Variants in OR51C1 observed in about 807,000 individuals in gnomAD.
OR51C1 encodes olfactory receptor family 51 subfamily C member 1.
the OR51C1 span, among the ~76,000 whole-genome samples, chr11:4,692,413 C>T: frequency 6.6e-6 from 1 of 152,194 alleles, no homozygotes; most frequent in East Asian, 1.9e-4. Context: ...TGCCACGTTC[C>T]AACACAGTTC....
At chr11:4,693,515 A>G in the OR51C1 span, among the ~76,000 whole-genome samples, 1 of 152,124 alleles carries the variant, frequency 6.6e-6, no homozygotes, top group Non-Finnish European at 1.5e-5. Context: ...AGGTCAGGAG[A>G]TCGAGACCAT....
chr11:4,691,441 A>G, the OR51C1 span: 2 of 457,414 alleles, frequency 4.4e-6, no homozygotes, highest in Non-Finnish European at 8.8e-6. Context: ...ACATTGAACC[A>G]GAATATACTC....
At chr11:4,696,906 T>C in the OR51C1 span, among the ~76,000 whole-genome samples, 2 of 152,210 alleles carry the variant, frequency 1.3e-5, no homozygotes, top group Non-Finnish European at 2.9e-5. Context: ...TGGGTTCAGA[T>C]TCTTGCTCAA....
the OR51C1 span, among the ~76,000 whole-genome samples, chr11:4,692,390 T>C: frequency 1.3e-5 from 2 of 152,218 alleles, no homozygotes; most frequent in Non-Finnish European, 2.9e-5. Context: ...TGCCCCCACC[T>C]GATATAATGT....
chr11:4,696,921 TA>T, the OR51C1 span, among the ~76,000 whole-genome samples: 2 of 151,724 alleles, frequency 1.3e-5, no homozygotes, highest in African/African-American at 4.9e-5. Context: ...GCTCAAACAC[TA>T]ACTAGTTTTG....
the OR51C1 span, among the ~76,000 whole-genome samples, chr11:4,696,290 T>G: frequency 3.3e-5 from 5 of 152,160 alleles, no homozygotes; most frequent in Non-Finnish European, 7.4e-5. Context: ...CTCTTCCTCC[T>G]GCTTCATTTA....
the OR51C1 span, among the ~76,000 whole-genome samples, chr11:4,695,485 G>A: frequency 1.8e-3 from 272 of 152,254 alleles, 1 homozygote; most frequent in Non-Finnish European, 3.4e-3. Context: ...CAAGACATAA[G>A]CCCTGTTTCT....
At chr11:4,692,190 A>C in the OR51C1 span, 1 of 452,226 alleles carries the variant, frequency 2.2e-6, no homozygotes, top group Non-Finnish European at 4.4e-6. Flanking sequence ...AGAAGCTTAC[A>C]GACAATTTGG....
chr11:4,691,723 C>G, the OR51C1 span: 1 of 350,722 alleles, frequency 2.9e-6, no homozygotes, highest in Admixed American at 4.1e-5. Context: ...AAGTACAGAA[C>G]GAGATGAGAG....
chr11:4,694,036 G>A, the OR51C1 span, among the ~76,000 whole-genome samples: 2 of 152,014 alleles, frequency 1.3e-5, no homozygotes, highest in South Asian at 2.1e-4. Flanking sequence ...TAGTTCCTAC[G>A]CAATATCTGA....
the OR51C1 span, among the ~76,000 whole-genome samples, chr11:4,696,438 T>C: frequency 6.6e-6 from 1 of 152,172 alleles, no homozygotes; most frequent in Non-Finnish European, 1.5e-5. Flanking sequence ...TTTAACTGAT[T>C]CTACTCCTGA....
the OR51C1 span, chr11:4,690,692 T>C: frequency 9.2e-6 from 3 of 327,752 alleles, no homozygotes; most frequent in East Asian, 1.6e-4. Context: ...TTTTTGTTTT[T>C]AATTGGAAAC....
At chr11:4,694,407 C>A in the OR51C1 span, among the ~76,000 whole-genome samples, 2 of 151,718 alleles carry the variant, frequency 1.3e-5, no homozygotes, top group Non-Finnish European at 2.9e-5. Flanking sequence ...TTTTTCCTAG[C>A]CAATAACTCC....
At chr11:4,697,464 A>G in the OR51C1 span, among the ~76,000 whole-genome samples, 2 of 152,252 alleles carry the variant, frequency 1.3e-5, no homozygotes, top group African/African-American at 4.8e-5. Flanking sequence ...TATATCAGGC[A>G]GAACGAAATA....
chr11:4,694,109 C>T, the OR51C1 span, among the ~76,000 whole-genome samples: 33 of 152,172 alleles, frequency 2.2e-4, no homozygotes, highest in Admixed American at 2.1e-3. Flanking sequence ...AATTAAATTG[C>T]TATTTGAATA....
At chr11:4,691,838 C>T in the OR51C1 span, 1 of 288,238 alleles carries the variant, frequency 3.5e-6, no homozygotes, top group Admixed American at 4.9e-5. Flanking sequence ...CTATGAATGG[C>T]TCATTTAAAT....
the OR51C1 span, among the ~76,000 whole-genome samples, chr11:4,692,408 C>T: frequency 3.9e-5 from 6 of 152,334 alleles, no homozygotes; most frequent in East Asian, 3.9e-4. Context: ...TGTGCTGCCA[C>T]GTTCCAACAC....
the OR51C1 span, among the ~76,000 whole-genome samples, chr11:4,694,620 G>A: frequency 6.6e-6 from 1 of 150,812 alleles, no homozygotes; most frequent in African/African-American, 2.4e-5. Context: ...AGCTGAGCTT[G>A]CTGTGTCAAG....
At chr11:4,695,909 T>C in the OR51C1 span, among the ~76,000 whole-genome samples, 1 of 152,192 alleles carries the variant, frequency 6.6e-6, no homozygotes, top group Admixed American at 6.5e-5. Flanking sequence ...CCTTGAGATA[T>C]CTTGGTTATT....
Sources: gnomAD v4.1 joint callset for allele counts (sites outside exome capture counted in the v4.1 genomes callset) on GRCh38, gnomAD v4.1.1 for gene constraint, MANE v1.5 for transcripts, NCBI Gene and HGNC (gene_info 2026-07-23, HGNC 2026-07-21) for gene names.